PRKCZ: variants seen among roughly 807,000 people sequenced by gnomAD.
PRKCZ encodes the protein protein kinase C zeta type.
A neutral mutation model predicts 79.5 loss-of-function variants in PRKCZ; 33 were observed. The ratio of observed to expected loss-of-function variants is 0.41; its 90% CI spans 0.31 to 0.55. The LOEUF (loss-of-function observed/expected upper bound fraction) is 0.55, where lower values mean the gene tolerates loss of function less well. Ranked by LOEUF, PRKCZ falls within the 20% of genes least tolerant of loss-of-function variation. The pLI, the probability that PRKCZ is intolerant of heterozygous loss-of-function variation, is 0.19. For missense variants in PRKCZ, 578 were observed against 813.5 expected (o/e 0.71, Z 3.52); for synonymous variants, 342 against 320.9 (o/e 1.07, Z -0.70).
At position 2,062,962 on chromosome 1, in the gene PRKCZ, C is replaced by T. The variant is rs897912385; in HGVS notation, c.334+3371C>T. Among the ~76,000 whole-genome samples the T allele has an allele frequency of 3.9e-5, 6 of 152,236 alleles. No homozygotes were observed. In the East Asian group the frequency reaches 5.8e-4, roughly 15 times the overall value. On this transcript the variant is annotated intron_variant, in intron 4 of 17. Coordinates refer to ENST00000378567, the MANE Select transcript of PRKCZ (RefSeq NM_002744.6). ...CCTCCCCCAGCCCCCATCACCCACCCGCCGCTTTCTGTTTCTGTGACTTTG... is the reference window on the plus strand; with the variant it reads ...CCTCCCCCAGCCCCCATCACCCACCTGCCGCTTTCTGTTTCTGTGACTTTG...
At chr1:2,155,500 C>T (rs1191504822) in intron 9 of PRKCZ, among the ~76,000 whole-genome samples, 15 of 146,526 alleles carry the variant, frequency 1.0e-4, no homozygotes, top group Non-Finnish European at 4.5e-5. Context: ...ATGGTAACAG[C>T]GACAGTGATG....
intron 4 of PRKCZ, among the ~76,000 whole-genome samples, chr1:2,097,545 C>G (rs1453757055): frequency 6.6e-6 from 1 of 152,206 alleles, no homozygotes; most frequent in African/African-American, 2.4e-5. Flanking sequence ...CCTTTCAAAC[C>G]ACTTCTCCTG....
At chr1:2,123,411 T>C (rs370223034) in intron 4 of PRKCZ, among the ~76,000 whole-genome samples, 2 of 10,254 alleles carry the variant, frequency 2.0e-4, no homozygotes, top group South Asian at 7.8e-3. Context: ...AGGGTCACGG[T>C]GGTGGTTAGG....
intron 4 of PRKCZ, among the ~76,000 whole-genome samples, chr1:2,102,470 GTA>G (rs1667611828): frequency 6.6e-6 from 1 of 151,566 alleles, no homozygotes; most frequent in Admixed American, 6.6e-5. Context: ...GTAGCTGGGA[GTA>G]CAGGCGCCCA....
At chr1:2,112,691 G>GTTGTT (rs1553150908) in intron 4 of PRKCZ, among the ~76,000 whole-genome samples, 1 of 146,426 alleles carries the variant, frequency 6.8e-6, no homozygotes, top group Admixed American at 6.7e-5. Context: ...TGGTTGGTTG[G>GTTGTT]TTTTTTTTTT....
chr1:2,109,560 G>C (rs565543792), intron 4 of PRKCZ, among the ~76,000 whole-genome samples: 7 of 152,332 alleles, frequency 4.6e-5, no homozygotes, highest in African/African-American at 1.7e-4. Context: ...GTGTGGGTCC[G>C]GCTGTGGGCG....
rs1051471172 is a variant in PRKCZ at position 2,125,461 on chromosome 1, C to T, written c.335-9801C>T. Among the ~76,000 whole-genome samples, 4 of 152,176 alleles carry T rather than the reference C, an allele frequency of 2.6e-5. No individual in the cohort carries two copies. Among genetic ancestry groups the T allele is most frequent in the African/African-American group, 7.2e-5 (3 of 41,446 alleles). On this transcript the variant is annotated intron_variant, in intron 4 of 17. Transcript: ENST00000378567. The surrounding 1 kb of genome is among the most constrained non-coding windows in gnomAD (Gnocchi z 4.2). The stretch of plus-strand genomic sequence containing the variant: ...GGCTGCTGACAGCAGCATTTGAGGA[C>T]GGTGGGGCGGAGGACATCCTGGGGG...
chr1:2,144,004 A>G (rs544749461), intron 5 of PRKCZ: 1 of 627,580 alleles, frequency 1.6e-6, no homozygotes, highest in Non-Finnish European at 2.6e-6. Flanking sequence ...CCTTGGGGCC[A>G]CTGGTTCCCC....
rs1374763108 is a variant in PRKCZ, at chr1:2,125,600, G to A, written c.335-9662G>A. Among the ~76,000 whole-genome samples, 3 of 152,186 alleles carry A rather than the reference G, an allele frequency of 2.0e-5. No individual in the cohort carries two copies. The highest frequency in any genetic ancestry group is 7.2e-5 in the African/African-American group (3 of 41,448). ...AGACGTGGAGTGACTGTGGGTCCCC[G>A]TGGCCCCTGACATGCTCCCAGGGAA... On this transcript the variant is annotated intron_variant, in intron 4 of 17. Transcript: ENST00000378567. The surrounding 1 kb of genome is among the most constrained non-coding windows in gnomAD (Gnocchi z 4.2).
chr1:2,140,871 G>A (rs1677175537), intron 5 of PRKCZ, among the ~76,000 whole-genome samples: 2 of 152,208 alleles, frequency 1.3e-5, no homozygotes, highest in Admixed American at 6.5e-5. Context: ...AGGAGGCTGA[G>A]ACAGGAGAAT....
At chr1:2,102,738 T>C (rs1414017120) in intron 4 of PRKCZ, among the ~76,000 whole-genome samples, 1 of 152,194 alleles carries the variant, frequency 6.6e-6, no homozygotes, top group African/African-American at 2.4e-5. Flanking sequence ...GATCTAAAAA[T>C]GCAAGTCTCC....
chr1:2,104,671 T>C (rs1668058086), intron 4 of PRKCZ: 1 of 985,452 alleles, frequency 1.0e-6, no homozygotes, highest in Non-Finnish European at 1.2e-6. Context: ...GGGTGGGGAC[T>C]GGGAGGAGAG....
chr1:2,098,329 A>G (rs1666882649), intron 4 of PRKCZ: 1 of 152,234 alleles, frequency 6.6e-6, no homozygotes, highest in South Asian at 2.1e-4. Flanking sequence ...TTGAAGAGGA[A>G]TTTATTATGT....
At chr1:2,064,889 A>G (rs1048485359) in intron 4 of PRKCZ, among the ~76,000 whole-genome samples, 6 of 152,218 alleles carry the variant, frequency 3.9e-5, no homozygotes, top group Non-Finnish European at 8.8e-5. Context: ...TGCAAAAAAC[A>G]TTATTGTGAT....
chr1:2,118,857 G>T (rs1258550441), intron 4 of PRKCZ, among the ~76,000 whole-genome samples: 2 of 152,036 alleles, frequency 1.3e-5, no homozygotes, highest in Non-Finnish European at 2.9e-5. Flanking sequence ...CTTAAAAGCA[G>T]AAGTTAGTTA....
intron 4 of PRKCZ, among the ~76,000 whole-genome samples, chr1:2,063,998 A>G (rs1371606926): frequency 6.6e-6 from 1 of 152,056 alleles, no homozygotes; most frequent in African/African-American, 2.4e-5. Context: ...GGCACCCGCC[A>G]CCATGTCCAG....
At chr1:2,059,030 A>T (rs893014537) in intron 3 of PRKCZ, among the ~76,000 whole-genome samples, 2 of 152,126 alleles carry the variant, frequency 1.3e-5, no homozygotes, top group Non-Finnish European at 2.9e-5. Context: ...CCTGGCCTGA[A>T]GCCATCCTCT....
chr1:2,093,071 G>C (rs1381220139), intron 4 of PRKCZ, among the ~76,000 whole-genome samples: 2 of 152,036 alleles, frequency 1.3e-5, no homozygotes, highest in Non-Finnish European at 2.9e-5. Flanking sequence ...ATGCCAATGT[G>C]ATGGGTGGTT....
chr1:2,061,849 C>T (rs1264000287), intron 4 of PRKCZ, among the ~76,000 whole-genome samples: 2 of 152,226 alleles, frequency 1.3e-5, no homozygotes, highest in African/African-American at 4.8e-5. Flanking sequence ...CTGTGGTGCT[C>T]ATCTCAGACA....
Sources: allele counts gnomAD v4.1 joint callset (sites outside exome capture counted in the v4.1 genomes callset), GRCh38; gene constraint gnomAD v4.1.1; non-coding constraint Gnocchi (gnomAD v3.1); transcripts MANE v1.5; gene names NCBI Gene and HGNC (gene_info 2026-07-23, HGNC 2026-07-21).